The following GNL3L variants were observed in gnomAD, a reference collection of about 807,000 sequenced individuals.
GNL3L encodes guanine nucleotide-binding protein-like 3-like protein.
A neutral mutation model predicts 42.9 loss-of-function variants in GNL3L; 4 were observed. The observed-to-expected ratio is 0.09, with a 90% CI of 0.05 to 0.21. The LOEUF (loss-of-function observed/expected upper bound fraction) is 0.21, where lower values mean the gene tolerates loss of function less well. Among genes scored for constraint, GNL3L ranks in the 10% least tolerant of loss-of-function variants. GNL3L has a pLI of 1.00. For missense variants in GNL3L, 412 were observed against 481.7 expected, an observed-to-expected ratio of 0.86 and a Z score of 1.36; for synonymous variants, 159 against 176.3, an observed-to-expected ratio of 0.90 and a Z score of 0.78.
intron 16 of GNL3L, among the ~76,000 whole-genome samples, chrX:54,572,734 T>G (rs1827286656): frequency 1.9e-5 from 2 of 107,617 alleles, no homozygotes; most frequent in African/African-American, 3.4e-5. Context: ...GCGGAGATGC[T>G]CCTCACTTCC....
At chrX:54,550,371 C>T (rs1275541917) in intron 9 of GNL3L, among the ~76,000 whole-genome samples, 3 of 110,626 alleles carry the variant, frequency 2.7e-5, no homozygotes, top group Non-Finnish European at 3.8e-5. Flanking sequence ...TTTAGGCAAT[C>T]AGCTTTCTCG....
the GNL3L span, among the ~76,000 whole-genome samples, chrX:54,630,110 T>C: frequency 9.0e-6 from 1 of 110,561 alleles, no homozygotes; most frequent in Admixed American, 9.7e-5. Flanking sequence ...TATCTCCCTT[T>C]TCATTTCCAA....
chrX:54,630,642 TTTG>T, the GNL3L span, among the ~76,000 whole-genome samples: 4 of 105,636 alleles, frequency 3.8e-5, no homozygotes, highest in Non-Finnish European at 3.9e-5. Context: ...TCGATTTTCT[TTTG>T]TTTTCTTTTC....
intron 16 of GNL3L, among the ~76,000 whole-genome samples, chrX:54,582,083 A>G (rs1365771526): frequency 8.9e-6 from 1 of 111,874 alleles, no homozygotes; most frequent in African/African-American, 3.2e-5. Flanking sequence ...GGTGGTGCCT[A>G]ATGAGAGGTG....
chrX:54,548,194 A>T, intron 8 of GNL3L, 35 bp from the exon 9 acceptor site: 1 of 1,177,809 alleles, frequency 8.5e-7, no homozygotes, highest in Non-Finnish European at 1.2e-6. Flanking sequence ...CTGCCACCTG[A>T]TGTCTCTTCT....
chrX:54,645,269 C>T, the GNL3L span, among the ~76,000 whole-genome samples: 3 of 111,705 alleles, frequency 2.7e-5, no homozygotes, highest in East Asian at 8.4e-4. Context: ...GATAATGGGG[C>T]TTGCACCTTT....
the GNL3L span, among the ~76,000 whole-genome samples, chrX:54,638,075 G>A: frequency 2.7e-5 from 3 of 112,051 alleles, no homozygotes; most frequent in African/African-American, 9.7e-5. Flanking sequence ...TTAAAATGAT[G>A]GTGATAGAAG....
chrX:54,619,672 A>G (rs1236057550), intron 16 of GNL3L, among the ~76,000 whole-genome samples: 1 of 110,876 alleles, frequency 9.0e-6, no homozygotes, highest in Non-Finnish European at 1.9e-5. Flanking sequence ...ACATACTTCT[A>G]TACCCTCGAT....
chrX:54,583,454 A>G (rs980010558), intron 16 of GNL3L, among the ~76,000 whole-genome samples: 4 of 110,593 alleles, frequency 3.6e-5, no homozygotes, highest in Non-Finnish European at 7.6e-5. Context: ...TCGGCCTCCT[A>G]AAGTGCTGGG....
the GNL3L span, among the ~76,000 whole-genome samples, chrX:54,630,761 CCTTT>C: frequency 4.5e-5 from 3 of 67,299 alleles, no homozygotes; most frequent in African/African-American, 7.1e-5. Flanking sequence ...CCTTTCTTTC[CCTTT>C]CTTTCTTTCT....
intron 2 of GNL3L, among the ~76,000 whole-genome samples, chrX:54,533,945 A>G (rs1569541890): frequency 9.2e-6 from 1 of 109,101 alleles, no homozygotes; most frequent in Non-Finnish European, 1.9e-5. Context: ...AGTATCATAT[A>G]GAAAGATTAT....
chrX:54,553,254 A>G (rs1432709756), intron 13 of GNL3L, among the ~76,000 whole-genome samples: 1 of 111,451 alleles, frequency 9.0e-6, no homozygotes, highest in Non-Finnish European at 1.9e-5. Flanking sequence ...CTCAGATATT[A>G]CTCTCTGCAG....
intron 8 of GNL3L, among the ~76,000 whole-genome samples, 177 bp downstream of exon 8, chrX:54,544,503 C>G (rs1439421959): frequency 3.8e-5 from 4 of 104,564 alleles, no homozygotes; most frequent in Non-Finnish European, 7.8e-5. Flanking sequence ...GAGTTTCACT[C>G]TTATTGCCCA....
chrX:54,616,561 T>C (rs1361215754), intron 16 of GNL3L, among the ~76,000 whole-genome samples: 1 of 112,136 alleles, frequency 8.9e-6, no homozygotes, highest in Non-Finnish European at 1.9e-5. Flanking sequence ...TTTAAGTAGT[T>C]TTTGTTCCCG....
At chrX:54,609,567 G>A (rs1926139216) in intron 16 of GNL3L, among the ~76,000 whole-genome samples, 2 of 112,034 alleles carry the variant, frequency 1.8e-5, no homozygotes, top group African/African-American at 6.5e-5. Flanking sequence ...TCCTACATGT[G>A]GCTAGCCAAT....
In GNL3L at chrX:54,540,229, TAAA is replaced by T. The variant is rs748797074; in HGVS notation, c.177_179del (p.Lys62del). On this transcript the variant is annotated inframe_deletion, in exon 4 of 16. Transcript: ENST00000360845. ...GATCATGCCAATCGAGAGGCTGAAT[TAAA>T]GAAGAAGTGGGTAAGCTTTTTGCCT... is the stretch of plus-strand genomic sequence containing the variant. 9.4e-3 allele frequency: 11,092 copies of T among 1,181,881 alleles called. 61 individuals are homozygous for T. The highest frequency in any genetic ancestry group is 0.012 in the Non-Finnish European group (10,023 of 869,838).
At chrX:54,628,174 A>G in the GNL3L span, among the ~76,000 whole-genome samples, 2 of 107,032 alleles carry the variant, frequency 1.9e-5, no homozygotes, top group Admixed American at 2.0e-4. Flanking sequence ...TGAAAATGCC[A>G]TTATTTTGTT....
chrX:54,577,702 AT>A (rs1299952427), intron 16 of GNL3L, among the ~76,000 whole-genome samples: 1 of 111,186 alleles, frequency 9.0e-6, no homozygotes, highest in Non-Finnish European at 1.9e-5. Flanking sequence ...TTTACTTAGC[AT>A]AATTCCTCCA....
chrX:54,588,896 A>AT (rs1240373012), intron 16 of GNL3L, among the ~76,000 whole-genome samples: 2 of 112,033 alleles, frequency 1.8e-5, no homozygotes, highest in East Asian at 2.8e-4. Flanking sequence ...ATTCAATTCA[A>AT]TTTTTTTGAT....
Sources: allele counts gnomAD v4.1 joint callset (sites outside exome capture counted in the v4.1 genomes callset), GRCh38; gene constraint gnomAD v4.1.1; transcripts MANE v1.5; gene names NCBI Gene and HGNC (gene_info 2026-07-23, HGNC 2026-07-21).